Variants in DOCK10 observed in about 807,000 individuals in gnomAD.
DOCK10 encodes dedicator of cytokinesis protein 10.
A neutral mutation model predicts 280.1 loss-of-function variants in DOCK10; 145 were observed. That is an observed-to-expected ratio of 0.52 (90% CI 0.45 to 0.59). The LOEUF (loss-of-function observed/expected upper bound fraction) is 0.59. Ranked by LOEUF, DOCK10 falls within the 20% of genes least tolerant of loss-of-function variation. The probability of loss-of-function intolerance (pLI) is 0.00; values close to 1 mark genes in which losing one functional copy is unlikely to be tolerated. For synonymous variants in DOCK10, 915 were observed against 942.2 expected, an observed-to-expected ratio of 0.97 and a Z score of 0.53; for missense variants, 2,368 against 2,651.7, an observed-to-expected ratio of 0.89 and a Z score of 2.35.
At chr2:224,800,312 G>C (rs368629934) in intron 40 of DOCK10, 49 bp from the exon 41 acceptor site, 14 of 1,136,182 alleles carry the variant, frequency 1.2e-5, no homozygotes, top group Middle Eastern at 2.0e-4. Flanking sequence ...ACAATGCTTT[G>C]TACCCTATAA....
At chr2:224,776,857 C>A (rs975259937) in intron 51 of DOCK10, among the ~76,000 whole-genome samples, 1 of 152,190 alleles carries the variant, frequency 6.6e-6, no homozygotes, top group African/African-American at 2.4e-5. Flanking sequence ...AACATCATCC[C>A]TTCTATGTAA....
At chr2:224,876,247 A>G (rs768907546) in intron 7 of DOCK10, 26 bp from the exon 8 acceptor site, 62 of 1,553,406 alleles carry the variant, frequency 4.0e-5, no homozygotes, top group Non-Finnish European at 5.4e-5. Context: ...AAAGAAAGAA[A>G]AAGAGAATAC....
chr2:224,908,640 G>T (rs1700821739), intron 3 of DOCK10, among the ~76,000 whole-genome samples: 1 of 152,058 alleles, frequency 6.6e-6, no homozygotes, highest in Admixed American at 6.5e-5. Flanking sequence ...GGGACTGCAG[G>T]TGCACACCAT....
intron 27 of DOCK10, among the ~76,000 whole-genome samples, chr2:224,829,387 G>A (rs1695075146): frequency 6.6e-6 from 1 of 152,200 alleles, no homozygotes; most frequent in African/African-American, 2.4e-5. Context: ...AGGTATCCTA[G>A]TGGGGGAGGC....
intron 13 of DOCK10, among the ~76,000 whole-genome samples, chr2:224,863,811 G>T (rs1398872901): frequency 6.6e-6 from 1 of 152,182 alleles, no homozygotes; most frequent in Admixed American, 6.5e-5. Context: ...TAATAGAAAA[G>T]AAGAAAGTAG....
intron 14 of DOCK10, among the ~76,000 whole-genome samples, chr2:224,860,076 A>G (rs150544866): frequency 6.6e-6 from 1 of 152,338 alleles, no homozygotes; most frequent in African/African-American, 2.4e-5. Flanking sequence ...CTACAACCAG[A>G]CCACTAATTG....
intron 7 of DOCK10, among the ~76,000 whole-genome samples, chr2:224,885,464 C>T (rs764720320): frequency 6.6e-6 from 1 of 152,138 alleles, no homozygotes; most frequent in Non-Finnish European, 1.5e-5. Flanking sequence ...TTCCATTCTG[C>T]TTATTCATGT....
At chr2:224,966,726 A>G (rs895202401) in intron 1 of DOCK10, among the ~76,000 whole-genome samples, 2 of 152,206 alleles carry the variant, frequency 1.3e-5, no homozygotes, top group African/African-American at 4.8e-5. Flanking sequence ...TGTGACAAAG[A>G]GAGTAATGGG....
At chr2:224,897,459 G>T (rs1211096320) in intron 3 of DOCK10, among the ~76,000 whole-genome samples, 2 of 151,896 alleles carry the variant, frequency 1.3e-5, no homozygotes, top group Non-Finnish European at 2.9e-5. Context: ...AATTATTATT[G>T]ACTATAGCCA....
intron 4 of DOCK10, among the ~76,000 whole-genome samples, chr2:224,890,441 C>A (rs1430922674): frequency 6.6e-6 from 1 of 152,106 alleles, no homozygotes; most frequent in East Asian, 1.9e-4. Flanking sequence ...ACAAATCTCC[C>A]AGTTGAGAAG....
intron 50 of DOCK10, 23 bp from the exon 51 acceptor site, chr2:224,778,307 A>T (rs1466981563): frequency 2.5e-6 from 4 of 1,582,796 alleles, no homozygotes; most frequent in Admixed American, 3.6e-5. Context: ...ATGAACCACC[A>T]ATTTTATTAG....
At chr2:224,960,404 G>C (rs921810041) in intron 1 of DOCK10, among the ~76,000 whole-genome samples, 2 of 152,094 alleles carry the variant, frequency 1.3e-5, no homozygotes, top group Non-Finnish European at 2.9e-5. Context: ...AAGTATTCAG[G>C]ATAACCAGAA....
intron 7 of DOCK10, among the ~76,000 whole-genome samples, chr2:224,880,019 T>C (rs977733615): frequency 5.3e-5 from 8 of 152,130 alleles, no homozygotes; most frequent in African/African-American, 1.9e-4. Flanking sequence ...GTGGATTGAG[T>C]TGCAACCTGC....
chr2:224,840,183 G>A (rs368903339), intron 23 of DOCK10, 111 bp from the exon 24 acceptor site: 12 of 573,312 alleles, frequency 2.1e-5, no homozygotes, highest in Non-Finnish European at 3.1e-5. Context: ...GAAAAACTTC[G>A]TGACATTAGA....
At chr2:224,820,311 T>C (rs1370799720) in intron 28 of DOCK10, among the ~76,000 whole-genome samples, 2 of 152,244 alleles carry the variant, frequency 1.3e-5, no homozygotes, top group Non-Finnish European at 2.9e-5. Context: ...AAAAGACGGA[T>C]GGTCATGTAA....
intron 2 of DOCK10, among the ~76,000 whole-genome samples, chr2:224,918,090 A>G (rs1479792213): frequency 2.0e-5 from 3 of 152,210 alleles, no homozygotes; most frequent in Admixed American, 2.0e-4. Flanking sequence ...CCTTGCTGGC[A>G]GCTCTGCCAC....
rs561385872 is a variant in DOCK10 at position 224,773,346 on chromosome 2, C to T, written c.6015G>A (p.Thr2005=). Residue 2005 remains threonine (T), a splice_region_variant and synonymous_variant, in exon 53 of 56, where the codon ACG becomes ACA. Transcript: ENST00000258390. ...EQCKRRTILT[T]SHLFPYVKKR... The stretch of plus-strand genomic sequence containing the variant: ...TCTTCACGTAGGGGAACAGGTGACT[C>T]GCTGTACAAAAGCCATACAAAGGGA... 17 of 1,607,762 alleles carry T rather than the reference C, an allele frequency of 1.1e-5. No individual in the cohort carries two copies. The highest frequency in any genetic ancestry group is 1.7e-5 in the Admixed American group (1 of 59,848).
rs376640827 is a variant in DOCK10 at position 224,823,482 on chromosome 2, C to T, written c.3183+19G>A. 19 of 1,556,096 alleles carry T rather than the reference C, an allele frequency of 1.2e-5. No individual in the cohort carries two copies. The South Asian group carries it at 1.4e-4, about 11-fold the overall frequency. ...CAACATGGGGCCTTGAATAGAACTG[C>T]GATCTCATATAACTGTACCTTGAGA... On this transcript the variant is annotated intron_variant, in intron 28 of 55. Coordinates refer to ENST00000258390, the MANE Select transcript of DOCK10 (RefSeq NM_014689.3).
At chr2:224,873,803 C>T (rs976351497) in intron 11 of DOCK10, among the ~76,000 whole-genome samples, 193 bp downstream of exon 11, 2 of 152,070 alleles carry the variant, frequency 1.3e-5, no homozygotes, top group East Asian at 1.9e-4. Flanking sequence ...TTTATTCATA[C>T]AGTATATTAT....
Sources: gnomAD v4.1 joint callset for allele counts (sites outside exome capture counted in the v4.1 genomes callset) on GRCh38, gnomAD v4.1.1 for gene constraint, MANE v1.5 for transcripts, NCBI Gene and HGNC (gene_info 2026-07-23, HGNC 2026-07-21) for gene names.